The following EIF4E3 variants were observed in gnomAD, a reference collection of about 807,000 sequenced individuals.
EIF4E3 encodes the protein eukaryotic translation initiation factor 4E family member 3.
EIF4E3 carries 26 observed loss-of-function variants against 31.7 expected under a neutral mutation model. The observed-to-expected ratio is 0.82, with a 90% CI of 0.60 to 1.14. The LOEUF (loss-of-function observed/expected upper bound fraction) is 1.14. EIF4E3 is among the 50% of genes most tolerant of loss of function. EIF4E3 has a pLI of 0.00. For missense variants in EIF4E3, 304 were observed against 270.9 expected (o/e 1.12, Z -0.86); for synonymous variants, 128 against 107.7 (o/e 1.19, Z -1.17).
intron 1 of EIF4E3, among the ~76,000 whole-genome samples, chr3:71,746,190 G>C (rs1578392527): frequency 6.6e-6 from 1 of 152,112 alleles, no homozygotes; most frequent in African/African-American, 2.4e-5. Flanking sequence ...CTTCTACTTT[G>C]TGCTGTGTGA....
intron 1 of EIF4E3, among the ~76,000 whole-genome samples, chr3:71,717,183 C>T (rs1035623092): frequency 6.6e-6 from 1 of 152,184 alleles, no homozygotes; most frequent in African/African-American, 2.4e-5. Flanking sequence ...TAGCATCACC[C>T]GGGAGCTTGT....
At chr3:71,725,438 C>CACCCGCCCCG (rs1553666862), upstream of EIF4E3, 9 of 795,858 alleles carry the variant, frequency 1.1e-5, no homozygotes, top group East Asian at 5.3e-4. This position sits in a 1 kb window ranked among gnomAD's most constrained non-coding sequence, Gnocchi z 6.1. Context: ...TCACCCCCGG[C>CACCCGCCCCG]CCCCGCCCCG....
intron 1 of EIF4E3, among the ~76,000 whole-genome samples, chr3:71,746,569 GCC>G (rs1272473550): frequency 1.3e-5 from 2 of 152,172 alleles, no homozygotes; most frequent in South Asian, 4.1e-4. Flanking sequence ...CACTCAGAAA[GCC>G]ATAACTAGGA....
intron 4 of EIF4E3, among the ~76,000 whole-genome samples, chr3:71,695,780 C>G (rs1474102293): frequency 6.6e-6 from 1 of 152,176 alleles, no homozygotes. Context: ...AGCACTTCCC[C>G]TTTGTCCATT....
At chr3:71,685,203 G>A (rs2048976032) in intron 6 of EIF4E3, among the ~76,000 whole-genome samples, 1 of 151,970 alleles carries the variant, frequency 6.6e-6, no homozygotes, top group South Asian at 2.1e-4. Flanking sequence ...TTATATCTAG[G>A]TGCCCCTGCT....
intron 1 of EIF4E3, among the ~76,000 whole-genome samples, chr3:71,718,712 C>A (rs2049501888): frequency 6.6e-6 from 1 of 152,200 alleles, no homozygotes; most frequent in Non-Finnish European, 1.5e-5. Flanking sequence ...GGACCAGAAA[C>A]TTTTCTGAGT....
chr3:71,696,370 T>C (rs1037394914), intron 4 of EIF4E3, 90 bp downstream of exon 4: 40 of 1,429,922 alleles, frequency 2.8e-5, no homozygotes, highest in East Asian at 6.9e-5. Context: ...GCCAGGTAAA[T>C]AGGCTATCTG....
At chr3:71,741,823 G>C (rs903543368) in intron 1 of EIF4E3, among the ~76,000 whole-genome samples, 1 of 152,174 alleles carries the variant, frequency 6.6e-6, no homozygotes, top group Non-Finnish European at 1.5e-5. Context: ...TATGTTCTCT[G>C]ATACAGTGGA....
chr3:71,681,131 G>A lies in EIF4E3; in HGVS notation c.*3551C>T, dbSNP rs547242654. On this transcript the variant is annotated 3_prime_UTR_variant, in exon 7 of 7. Transcript: ENST00000425534. ...TTGAGATATTTTAAGCACATCTGGA[G>A]CGATCTAGCTTTGACACATTTTTAT... 6.6e-6 allele frequency: 1 copy of A among 152,184 alleles called. No homozygotes were observed. Among genetic ancestry groups the A allele is most frequent in the African/African-American group, 2.4e-5 (1 of 41,434 alleles). 9.4% of individuals were successfully genotyped at this position (152,184 alleles called of 1,614,324 possible).
chr3:71,754,419 A>C (rs898117181), upstream of EIF4E3: 5 of 1,350,416 alleles, frequency 3.7e-6, no homozygotes, highest in African/African-American at 7.6e-5. The surrounding 1 kb of genome is among the most constrained non-coding windows in gnomAD (Gnocchi z 5.8). Context: ...CTACCTGGCC[A>C]TCGCGCACCA....
intron 2 of EIF4E3, among the ~76,000 whole-genome samples, chr3:71,703,324 A>T (rs533388862): frequency 6.6e-6 from 1 of 152,274 alleles, no homozygotes; most frequent in East Asian, 1.9e-4. Context: ...TCTCCTGGAG[A>T]AACTGAGGCA....
rs945008995 is a variant in EIF4E3 at position 71,719,798 on chromosome 3, G to A, written c.176+5394C>T. On this transcript the variant is annotated intron_variant, in intron 1 of 6. Transcript: ENST00000425534. ...GGAGGCTGAGGTGGGAGAATTGCTC[G>A]AGCCCAGGAGTTTGAGACCGGCCTG... 3.3e-5 allele frequency among the ~76,000 whole-genome samples: 5 copies of A among 152,078 alleles called. No individual in the cohort carries two copies. In the South Asian group the frequency reaches 6.2e-4, roughly 19 times the overall value.
At chr3:71,725,443 G>A (rs1031054561), upstream of EIF4E3, 5 of 664,786 alleles carry the variant, frequency 7.5e-6, no homozygotes, top group African/African-American at 2.0e-5. The surrounding 1 kb of genome is among the most constrained non-coding windows in gnomAD (Gnocchi z 6.1). Flanking sequence ...CCCGGCCCCC[G>A]CCCCGCCCCG....
At chr3:71,734,522 T>C (rs2049741231) in intron 1 of EIF4E3, among the ~76,000 whole-genome samples, 1 of 152,330 alleles carries the variant, frequency 6.6e-6, no homozygotes, top group East Asian at 1.9e-4. Context: ...TGCAGTATCA[T>C]GTTTTTCATA....
Position 71,749,418 on chromosome 3 carries a change from G to A in EIF4E3, c.-291+4045C>T, listed in dbSNP as rs147276597. ...CCCTTTGATAATCCAACATCCACTG[G>A]GCCTAGACTTTGGCTCACTTTTTCT... On this transcript the variant is annotated intron_variant, in intron 1 of 7. Transcript: ENST00000295612. Among the ~76,000 whole-genome samples the A allele has an allele frequency of 5.9e-3, 905 of 152,244 alleles. 11 individuals carry two copies. The highest frequency in any genetic ancestry group is 0.021 in the African/African-American group (855 of 41,552).
rs2048935485 is a variant in EIF4E3, at chr3:71,682,471, G to A, written c.*2211C>T. ...GAAGGTAATGAGAGGTTTTTAAACT[G>A]ATTAAATCAGCTTAGTTCATACAAA... On this transcript the variant is annotated 3_prime_UTR_variant, in exon 7 of 7. Coordinates refer to ENST00000425534, the MANE Select transcript of EIF4E3 (RefSeq NM_001134651.2). 6.6e-6 allele frequency: 1 copy of A among 152,164 alleles called. No individual in the cohort carries two copies. The highest frequency in any genetic ancestry group is 1.5e-5 in the Non-Finnish European group (1 of 68,024). 9.4% of individuals were successfully genotyped at this position (152,164 alleles called of 1,614,324 possible). A position where few individuals can be genotyped will look rare whatever the true frequency, so the allele number is the denominator to read the frequency against.
chr3:71,718,301 G>C (rs899516200), intron 1 of EIF4E3, among the ~76,000 whole-genome samples: 1 of 152,236 alleles, frequency 6.6e-6, no homozygotes, highest in Non-Finnish European at 1.5e-5. Flanking sequence ...GTCTGATCAA[G>C]AGTCGCATAC....
chr3:71,724,068 A>G (rs1023935568), intron 1 of EIF4E3, among the ~76,000 whole-genome samples: 1 of 152,340 alleles, frequency 6.6e-6, no homozygotes, highest in African/African-American at 2.4e-5. Flanking sequence ...ATTTGTGTGT[A>G]CCAAGCAAAC....
rs201189350 is a variant in EIF4E3, at chr3:71,722,095, G to GT, written c.176+3096_176+3097insA. Among the ~76,000 whole-genome samples, 469 of 151,962 alleles carry GT rather than the reference G, an allele frequency of 3.1e-3. 4 individuals carry two copies. The highest frequency in any genetic ancestry group is 0.01 in the African/African-American group (415 of 41,360). On this transcript the variant is annotated intron_variant, in intron 1 of 6. Transcript: ENST00000425534. ...CTGTAAGCCCTTTGGCTTTTCCTCG[G>GT]GGGGGCGGGGGTGGGAGGTGGTTAC...
Sources: allele counts gnomAD v4.1 joint callset (sites outside exome capture counted in the v4.1 genomes callset), GRCh38; gene constraint gnomAD v4.1.1; non-coding constraint Gnocchi (gnomAD v3.1); transcripts MANE v1.5; gene names NCBI Gene and HGNC (gene_info 2026-07-23, HGNC 2026-07-21).